LYPLAL1: variants seen among roughly 807,000 people sequenced by gnomAD.
LYPLAL1 encodes the protein lysophospholipase like 1.
Under a neutral mutation model 19.7 loss-of-function variants are expected in LYPLAL1, and 23 were observed. That is an observed-to-expected ratio of 1.17 (90% confidence interval 0.84 to 1.65). The LOEUF is 1.65. LYPLAL1 is among the 40% of genes most tolerant of loss of function. The probability of loss-of-function intolerance (pLI) is 0.00; values close to 1 mark genes in which losing one functional copy is unlikely to be tolerated. For synonymous variants in LYPLAL1, 119 were observed against 96.3 expected, an observed-to-expected ratio of 1.24 and a Z score of -1.38; for missense variants, 355 against 279.4, an observed-to-expected ratio of 1.27 and a Z score of -1.93.
chr1:219,273,526 AT>A, the LYPLAL1 span: 1 of 152,246 alleles, frequency 6.6e-6, no homozygotes. Context: ...GTGTGATAGA[AT>A]TAAATGGCTA....
the LYPLAL1 span, among the ~76,000 whole-genome samples, chr1:219,253,499 G>T: frequency 6.6e-6 from 1 of 152,002 alleles, no homozygotes; most frequent in Non-Finnish European, 1.5e-5. Context: ...TATTTTCAAA[G>T]AACTTCTTGA....
the LYPLAL1 span, among the ~76,000 whole-genome samples, chr1:219,381,390 G>A: frequency 6.6e-6 from 1 of 152,140 alleles, no homozygotes; most frequent in Non-Finnish European, 1.5e-5. Context: ...AGCAACATGA[G>A]AATGGACTAA....
the LYPLAL1 span, among the ~76,000 whole-genome samples, chr1:219,332,767 A>G: frequency 4.0e-5 from 6 of 151,252 alleles, no homozygotes; most frequent in Admixed American, 4.0e-4. Flanking sequence ...TAAAACCTAT[A>G]GATAGATTAT....
At chr1:219,359,586 C>T in the LYPLAL1 span, among the ~76,000 whole-genome samples, 1 of 152,146 alleles carries the variant, frequency 6.6e-6, no homozygotes, top group African/African-American at 2.4e-5. Flanking sequence ...TTTGCTAAAA[C>T]ATGAGATGTG....
chr1:219,193,426 G>A lies in LYPLAL1; in HGVS notation c.361+175G>A, dbSNP rs146506095. On this transcript the variant is annotated intron_variant, in intron 3 of 4. Coordinates refer to ENST00000366928, the MANE Select transcript of LYPLAL1 (RefSeq NM_138794.5). ...AGATATTAGAATTATAAACAGCAGCGCATGAAACTTTAATTGATTTTCTTT... is the reference window on the plus strand; with the variant it reads ...AGATATTAGAATTATAAACAGCAGCACATGAAACTTTAATTGATTTTCTTT... 4.2e-4 allele frequency: 159 copies of A among 378,880 alleles called. 1 individual carries two copies. Among genetic ancestry groups the A allele is most frequent in the African/African-American group, 2.9e-3 (140 of 48,194 alleles). The allele number at this position is 378,880 out of a possible 1,614,324, so 23.5% of individuals were successfully genotyped here.
the LYPLAL1 span, among the ~76,000 whole-genome samples, chr1:219,229,967 T>C: frequency 2.0e-5 from 3 of 152,202 alleles, no homozygotes; most frequent in African/African-American, 4.8e-5. Flanking sequence ...CATTTATCTG[T>C]AGGGCAATGT....
the LYPLAL1 span, among the ~76,000 whole-genome samples, chr1:219,233,160 T>C: frequency 6.6e-6 from 1 of 152,200 alleles, no homozygotes; most frequent in Non-Finnish European, 1.5e-5. Flanking sequence ...GTGGCACATA[T>C]ACAGTGTAAT....
At chr1:219,307,318 T>C in the LYPLAL1 span, among the ~76,000 whole-genome samples, 1 of 152,192 alleles carries the variant, frequency 6.6e-6, no homozygotes, top group African/African-American at 2.4e-5. Flanking sequence ...CACTCTTTTC[T>C]GTTCAGTGGT....
the LYPLAL1 span, among the ~76,000 whole-genome samples, chr1:219,327,718 A>G: frequency 6.6e-6 from 1 of 152,186 alleles, no homozygotes; most frequent in Non-Finnish European, 1.5e-5. Flanking sequence ...TAATTGAATA[A>G]TGGGGTCAGT....
At chr1:219,425,552 C>T in the LYPLAL1 span, among the ~76,000 whole-genome samples, 51,983 of 151,952 alleles carry the variant, frequency 0.34, 10,211 homozygotes, top group Non-Finnish European at 0.44. Context: ...CTTAAGCCAC[C>T]GAAATTTGTT....
At chr1:219,294,914 C>G in the LYPLAL1 span, among the ~76,000 whole-genome samples, 1 of 151,886 alleles carries the variant, frequency 6.6e-6, no homozygotes, top group African/African-American at 2.4e-5. Context: ...CCAGAGTTTT[C>G]CAATTAAGGG....
the LYPLAL1 span, among the ~76,000 whole-genome samples, chr1:219,307,038 A>ATATG: frequency 2.7e-5 from 1 of 36,646 alleles, no homozygotes; most frequent in African/African-American, 5.3e-5. Flanking sequence ...ATATATATAT[A>ATATG]TATGTATATA....
the LYPLAL1 span, among the ~76,000 whole-genome samples, chr1:219,286,476 C>T: frequency 1.3e-5 from 2 of 152,112 alleles, no homozygotes; most frequent in Admixed American, 1.3e-4. Context: ...GTCAAGGTCA[C>T]TAAGAAAAAA....
At chr1:219,303,042 T>C in the LYPLAL1 span, among the ~76,000 whole-genome samples, 11 of 152,242 alleles carry the variant, frequency 7.2e-5, no homozygotes, top group African/African-American at 2.7e-4. Flanking sequence ...ATTCACTCTG[T>C]ATTCTCAGTA....
chr1:219,426,891 G>A, the LYPLAL1 span, among the ~76,000 whole-genome samples: 8 of 152,272 alleles, frequency 5.3e-5, no homozygotes, highest in East Asian at 7.7e-4. Context: ...GAGCCACCAC[G>A]CCAGCCCAGG....
At chr1:219,224,323 T>A in the LYPLAL1 span, among the ~76,000 whole-genome samples, 1 of 152,186 alleles carries the variant, frequency 6.6e-6, no homozygotes, top group East Asian at 1.9e-4. Context: ...TATTTTTAAG[T>A]GGCAAGAGAA....
At chr1:219,346,367 T>C in the LYPLAL1 span, among the ~76,000 whole-genome samples, 1 of 151,832 alleles carries the variant, frequency 6.6e-6, no homozygotes, top group Non-Finnish European at 1.5e-5. Flanking sequence ...AGTTCCTTGA[T>C]ACCGTCTGGG....
chr1:219,421,923 G>A, the LYPLAL1 span, among the ~76,000 whole-genome samples: 2 of 152,128 alleles, frequency 1.3e-5, no homozygotes, highest in African/African-American at 2.4e-5. Context: ...GCAATCATTC[G>A]CATTTTGTGT....
the LYPLAL1 span, chr1:219,272,108 A>C: frequency 6.6e-6 from 1 of 152,444 alleles, no homozygotes; most frequent in African/African-American, 2.4e-5. Flanking sequence ...TGAGGGCCTT[A>C]ATAAGCATTG....
Sources: gnomAD v4.1 joint callset for allele counts (sites outside exome capture counted in the v4.1 genomes callset) on GRCh38, gnomAD v4.1.1 for gene constraint, MANE v1.5 for transcripts, NCBI Gene and HGNC (gene_info 2026-07-23, HGNC 2026-07-21) for gene names.